Variants in SPTBN4 observed in about 807,000 individuals in gnomAD.
The protein encoded by SPTBN4 is spectrin beta, non-erythrocytic 4.
A neutral mutation model predicts 277.8 loss-of-function variants in SPTBN4; 96 were observed. The observed-to-expected ratio is 0.35, with a 90% CI of 0.29 to 0.41. The LOEUF is 0.41. Ranked by LOEUF, SPTBN4 falls within the 10% of genes least tolerant of loss-of-function variation. The pLI, the probability that SPTBN4 is intolerant of heterozygous loss-of-function variation, is 1.00. For missense variants in SPTBN4, 3,006 were observed against 3,595.7 expected (o/e 0.84, Z 4.19); for synonymous variants, 1,481 against 1,580.3 (o/e 0.94, Z 1.49).
chr19:40,531,792 T>C (rs756062302), intron 18 of SPTBN4, among the ~76,000 whole-genome samples: 2 of 151,928 alleles, frequency 1.3e-5, no homozygotes, highest in Admixed American at 6.6e-5. Flanking sequence ...CTGGCCGGGC[T>C]TGGGAGGTCC....
chr19:40,556,402 G>C, intron 25 of SPTBN4, 114 bp downstream of exon 25: 1 of 943,278 alleles, frequency 1.1e-6, no homozygotes, highest in Non-Finnish European at 1.6e-6. Flanking sequence ...TGGCTCTGCT[G>C]TGAGACAAAT....
At chr19:40,553,904 C>T (rs1335855630) in intron 22 of SPTBN4, among the ~76,000 whole-genome samples, 1 of 152,216 alleles carries the variant, frequency 6.6e-6, no homozygotes, top group Non-Finnish European at 1.5e-5. Context: ...TCCTTACTGG[C>T]TGCTTGTTCT....
At chr19:40,539,298 C>A (rs2145908337) in intron 20 of SPTBN4, among the ~76,000 whole-genome samples, 3 of 152,330 alleles carry the variant, frequency 2.0e-5, no homozygotes, top group East Asian at 1.9e-4. Flanking sequence ...TGGATGCCTT[C>A]TCCTTGCAAT....
At chr19:40,567,600 A>T in intron 30 of SPTBN4, 63 bp from the exon 31 acceptor site, 25 of 1,056,026 alleles carry the variant, frequency 2.4e-5, no homozygotes, top group Non-Finnish European at 3.0e-5. Flanking sequence ...GCCTCCCCGG[A>T]CCTCCCCCTT....
At chr19:40,557,530 G>A in intron 26 of SPTBN4, 127 bp downstream of exon 26, 1 of 1,104,180 alleles carries the variant, frequency 9.1e-7, no homozygotes, top group Non-Finnish European at 1.2e-6. Context: ...GCGGACTACA[G>A]AACAGGAAGA....
intron 7 of SPTBN4, among the ~76,000 whole-genome samples, chr19:40,501,180 G>C (rs1320079163): frequency 2.0e-5 from 3 of 151,880 alleles, no homozygotes; most frequent in Non-Finnish European, 2.9e-5. Context: ...CGAGGCTGCA[G>C]TGAGCTATGA....
At chr19:40,540,987 T>C (rs1263659223) in intron 20 of SPTBN4, among the ~76,000 whole-genome samples, 2 of 152,140 alleles carry the variant, frequency 1.3e-5, no homozygotes, top group Admixed American at 1.3e-4. Flanking sequence ...TGAGCTCCTG[T>C]TTCCTCTCGT....
At chr19:40,572,521 C>T in intron 35 of SPTBN4, 141 bp downstream of exon 35, 2 of 1,068,392 alleles carry the variant, frequency 1.9e-6, no homozygotes, top group East Asian at 4.8e-5. Context: ...AGCCCACAGG[C>T]ACTGAGAGCC....
chr19:40,521,990 G>A lies in SPTBN4; in HGVS notation c.3655-1447G>A, dbSNP rs575184912. On this transcript the variant is annotated intron_variant, in intron 16 of 35. Transcript: ENST00000598249. ...ACTAGTTAGAAAACTAACCCCAGAG[G>A]GAAAAGAACTTCCTTGAGTTCACAC... is the stretch of plus-strand genomic sequence containing the variant. Among the ~76,000 whole-genome samples, 7 of 152,028 alleles carry A rather than the reference G, an allele frequency of 4.6e-5. No homozygotes were observed. The South Asian group carries it at 1.5e-3, about 32-fold the overall frequency.
intron 20 of SPTBN4, among the ~76,000 whole-genome samples, chr19:40,536,602 C>T (rs920369560): frequency 2.0e-5 from 3 of 152,126 alleles, no homozygotes; most frequent in Admixed American, 6.5e-5. Flanking sequence ...CATTGAGATC[C>T]TTAGAAAGCT....
intron 17 of SPTBN4, 85 bp downstream of exon 17, chr19:40,523,724 C>T (rs2080556640): frequency 1.6e-6 from 2 of 1,255,402 alleles, no homozygotes; most frequent in South Asian, 3.0e-5. Context: ...GCCAGGGTCC[C>T]ACTCCTTTCA....
At chr19:40,524,386 A>G (rs1181425011) in intron 17 of SPTBN4, among the ~76,000 whole-genome samples, 2 of 150,994 alleles carry the variant, frequency 1.3e-5, no homozygotes, top group Non-Finnish European at 2.9e-5. Context: ...GCGTGCCTGT[A>G]GTCCCAGCTA....
At chr19:40,558,174 A>G (rs2081003576) in intron 26 of SPTBN4, among the ~76,000 whole-genome samples, 1 of 151,730 alleles carries the variant, frequency 6.6e-6, no homozygotes, top group South Asian at 2.1e-4. Flanking sequence ...TCTGACCAAC[A>G]TGATGAAACC....
intron 25 of SPTBN4, 31 bp downstream of exon 25, chr19:40,556,319 G>T: frequency 6.3e-7 from 1 of 1,581,884 alleles, no homozygotes; most frequent in South Asian, 1.1e-5. Context: ...GTGATACCAG[G>T]AGCTACCACT....
chr19:40,467,207 T>TGGGCCGGGCCGGGCC lies in SPTBN4; in HGVS notation c.-104_-90dup, dbSNP rs947641459. On this transcript the variant is annotated 5_prime_UTR_variant, in exon 1 of 36. Transcript: ENST00000598249. ...CCGGCGGGGCCGAGCTGAGCCGGGC[T>TGGGCCGGGCCGGGCC]GGGCCGGGCCGGGCCGGGCCGGGCA... 1.0e-4 allele frequency: 15 copies of TGGGCCGGGCCGGGCC among 148,826 alleles called. No homozygotes were observed. Among genetic ancestry groups the TGGGCCGGGCCGGGCC allele is most frequent in the African/African-American group, 3.4e-4 (14 of 40,584 alleles). The allele number at this position is 148,826 out of a possible 1,614,324, so 9.2% of individuals were successfully genotyped here. A position where few individuals can be genotyped will look rare whatever the true frequency, so the allele number is the denominator to read the frequency against.
In SPTBN4 at chr19:40,549,060, A is replaced by C. The variant is rs2080887409; in HGVS notation, c.4360-129A>C. On this transcript the variant is annotated intron_variant, in intron 20 of 35. Transcript: ENST00000598249. ...GCGGAGCGCATCGCTCCTGGAGGGGACTGAACAAGGAGAGGGTGGAAGGGT... is the reference window on the plus strand; with the variant it reads ...GCGGAGCGCATCGCTCCTGGAGGGGCCTGAACAAGGAGAGGGTGGAAGGGT... 5.8e-6 allele frequency: 4 copies of C among 693,866 alleles called. No homozygotes were observed. In the East Asian group the frequency reaches 1.2e-4, roughly 20 times the overall value. The allele number at this position is 693,866 out of a possible 1,614,324, so 43.0% of individuals were successfully genotyped here.
At chr19:40,556,909 C>T (rs996690024) in intron 25 of SPTBN4, 114 bp from the exon 26 acceptor site, 22 of 1,344,816 alleles carry the variant, frequency 1.6e-5, no homozygotes, top group Non-Finnish European at 9.8e-7. Context: ...ACCTGGGCGA[C>T]AGAGCAAGAC....
chr19:40,575,734 G>T lies in SPTBN4; in HGVS notation c.*165G>T, dbSNP rs2081196374. 2.3e-6 allele frequency: 2 copies of T among 866,612 alleles called. No individual in the cohort carries two copies. Among genetic ancestry groups the T allele is most frequent in the Non-Finnish European group, 3.4e-6 (2 of 593,158 alleles). 53.7% of individuals were successfully genotyped at this position (866,612 alleles called of 1,614,324 possible). On this transcript the variant is annotated 3_prime_UTR_variant, in exon 36 of 36. Transcript: ENST00000598249. ...GGGGACTTCTCCTGCACCCCAAGAA[G>T]TGGTGGGGAGATTGCTGCCCCTATA... is the stretch of plus-strand genomic sequence containing the variant.
At position 40,554,676 on chromosome 19, in the gene SPTBN4, A is replaced by T; in HGVS notation, c.5084+30A>T. The stretch of plus-strand genomic sequence containing the variant: ...GCGGGCGCGTGGCCAGTTCACAGGA[A>T]TGGTCCAGCAGGACCTGAAGCTTCG... On this transcript the variant is annotated intron_variant, in intron 24 of 35. Transcript: ENST00000598249. This position sits in a 1 kb window ranked among gnomAD's most constrained non-coding sequence, Gnocchi z 5.7. 6.3e-7 allele frequency: 1 copy of T among 1,592,322 alleles called. No individual in the cohort carries two copies. The highest frequency in any genetic ancestry group is 8.5e-7 in the Non-Finnish European group (1 of 1,170,626).
Sources: gnomAD v4.1 joint callset for allele counts (sites outside exome capture counted in the v4.1 genomes callset) on GRCh38, gnomAD v4.1.1 for gene constraint, Gnocchi (gnomAD v3.1) non-coding constraint, MANE v1.5 for transcripts, NCBI Gene and HGNC (gene_info 2026-07-23, HGNC 2026-07-21) for gene names.